MYH11: variants seen among roughly 807,000 people sequenced by gnomAD.
The protein encoded by MYH11 is myosin heavy chain 11, also known as myosin-11.
Under a neutral mutation model 246.6 loss-of-function variants are expected in MYH11, and 80 were observed. The ratio of observed to expected loss-of-function variants is 0.32; its 90% confidence interval spans 0.27 to 0.39. The LOEUF (loss-of-function observed/expected upper bound fraction) is 0.39. Ranked by LOEUF, MYH11 falls within the 10% of genes least tolerant of loss-of-function variation. The pLI, the probability that MYH11 is intolerant of heterozygous loss-of-function variation, is 1.00. For synonymous variants in MYH11, 1,071 were observed against 1,015.5 expected, an observed-to-expected ratio of 1.05 and a Z score of -1.04; for missense variants, 2,158 against 2,546.8, an observed-to-expected ratio of 0.85 and a Z score of 3.29.
chr16:15,811,992 T>C (rs1305906519), intron 3 of MYH11, among the ~76,000 whole-genome samples: 2 of 152,204 alleles, frequency 1.3e-5, no homozygotes, highest in African/African-American at 4.8e-5. Context: ...GGTTCTTGTC[T>C]GGAGGGCTTT....
intron 3 of MYH11, among the ~76,000 whole-genome samples, chr16:15,806,930 G>A (rs1386064844): frequency 6.6e-6 from 1 of 151,776 alleles, no homozygotes; most frequent in Admixed American, 6.6e-5. Context: ...GCCAGGTACC[G>A]AAAGCACAAA....
chr16:15,711,528 T>TACA (rs1253632740), intron 40 of MYH11, among the ~76,000 whole-genome samples: 1 of 152,204 alleles, frequency 6.6e-6, no homozygotes, highest in Non-Finnish European at 1.5e-5. Context: ...GGTATGTTTA[T>TACA]TTGCCGTTAT....
chr16:15,727,183 G>C (rs907590395), intron 27 of MYH11, 129 bp from the exon 28 acceptor site: 1 of 784,570 alleles, frequency 1.3e-6, no homozygotes, highest in Admixed American at 2.3e-5. Context: ...TCACCAGTAA[G>C]AGATTTGGGG....
chr16:15,724,057 A>G, intron 31 of MYH11, 104 bp downstream of exon 31: 1 of 1,556,860 alleles, frequency 6.4e-7, no homozygotes, highest in Non-Finnish European at 8.8e-7. Flanking sequence ...CACAGAGTGG[A>G]GAGGGGATGC....
chr16:15,826,424 A>G (rs924753950), intron 2 of MYH11, among the ~76,000 whole-genome samples: 4 of 151,792 alleles, frequency 2.6e-5, no homozygotes, highest in African/African-American at 7.3e-5. Context: ...CCCCATCTCT[A>G]TAAGAAATTT....
At chr16:15,774,645 A>C (rs1199484587) in intron 8 of MYH11, among the ~76,000 whole-genome samples, 1 of 152,186 alleles carries the variant, frequency 6.6e-6, no homozygotes, top group East Asian at 1.9e-4. Context: ...GCTGGAGTGC[A>C]GTGGTGCAAT....
chr16:15,718,485 T>TA (rs1038440036), intron 36 of MYH11, 47 bp from the exon 37 acceptor site: 11 of 1,536,538 alleles, frequency 7.2e-6, no homozygotes, highest in African/African-American at 2.7e-5. Flanking sequence ...TCCCCCGCCT[T>TA]AAAAGATGCC....
chr16:15,799,528 G>C (rs1380985442), intron 3 of MYH11, among the ~76,000 whole-genome samples: 2 of 152,072 alleles, frequency 1.3e-5, no homozygotes, highest in Non-Finnish European at 2.9e-5. Context: ...TACCACCAGA[G>C]AAACCCAAAA....
At chr16:15,764,011 TA>T in intron 9 of MYH11, 120 bp from the exon 10 acceptor site, 2 of 783,348 alleles carry the variant, frequency 2.6e-6, no homozygotes, top group Admixed American at 3.9e-5. Context: ...CTGAAGAAAC[TA>T]GATTCTGAGC....
chr16:15,800,233 T>C (rs1402267582), intron 3 of MYH11, among the ~76,000 whole-genome samples: 2 of 150,958 alleles, frequency 1.3e-5, no homozygotes, highest in Non-Finnish European at 3.0e-5. Context: ...GATGGGTGGA[T>C]GGAAGAATGG....
intron 10 of MYH11, 58 bp downstream of exon 10, chr16:15,763,738 A>AGCTGGGGGCCC: frequency 1.4e-6 from 1 of 717,694 alleles, no homozygotes; most frequent in African/African-American, 1.8e-5. Flanking sequence ...GTTAAATGTC[A>AGCTGGGGGCCC]CCTCCCCCAC....
chr16:15,785,010 T>A, intron 5 of MYH11: 5 of 210,838 alleles, frequency 2.4e-5, no homozygotes, highest in East Asian at 9.0e-5. Context: ...TTCTCTTGAT[T>A]TTTTTTTTTT....
At chr16:15,803,823 A>AG (rs1427127775) in intron 3 of MYH11, among the ~76,000 whole-genome samples, 2 of 152,180 alleles carry the variant, frequency 1.3e-5, no homozygotes, top group Non-Finnish European at 2.9e-5. Flanking sequence ...CTCCAGGAGA[A>AG]GGCCTGGGAG....
chr16:15,753,618 G>C, intron 14 of MYH11, 110 bp from the exon 15 acceptor site: 1 of 849,386 alleles, frequency 1.2e-6, no homozygotes, highest in East Asian at 2.5e-5. Context: ...AGGTCAGAGA[G>C]GAAATGACGT....
At chr16:15,740,329 T>G (rs544547301) in intron 22 of MYH11, 141 bp from the exon 23 acceptor site, 2 of 1,325,152 alleles carry the variant, frequency 1.5e-6, no homozygotes, top group Admixed American at 3.9e-5. Flanking sequence ...AATAAAGGCC[T>G]GAGCGTGGTG....
At chr16:15,766,349 GT>G (rs2041981021) in intron 9 of MYH11, among the ~76,000 whole-genome samples, 2 of 71,044 alleles carry the variant, frequency 2.8e-5, no homozygotes, top group African/African-American at 4.5e-5. Context: ...TTTTTGGTGT[GT>G]GTGTGTGTGT....
chr16:15,759,434 C>G, intron 12 of MYH11, 142 bp downstream of exon 12: 1 of 1,095,872 alleles, frequency 9.1e-7, no homozygotes, highest in Non-Finnish European at 1.4e-6. Context: ...CTCTTATACC[C>G]TCAATGATCC....
Position 15,741,501 on chromosome 16 carries a change from G to T in MYH11, c.2821C>A (p.Leu941Ile). ...LEEEEDRGQQ[L>I]QAERKKMAQQ... ...GCCATCTTCTTCCTTTCAGCCTGTA[G>T]CTGCTGGCCCCTGTCTTCCTCCTCC... The change falls in exon 22 of 41, where the codon CTA becomes ATA. Residue 941 changes from leucine to isoleucine, a missense_variant. This residue lies in a region of MYH11 where 284 missense variants were observed against 315.4 expected (regional missense o/e 0.90). Coordinates refer to ENST00000300036, the MANE Select transcript of MYH11 (RefSeq NM_002474.3). The T allele has an allele frequency of 6.2e-7, 1 of 1,609,182 alleles. No individual in the cohort carries two copies.
Position 15,703,816 on chromosome 16 carries a change from T to TA in MYH11, c.*174_*175insT. On this transcript the variant is annotated 3_prime_UTR_variant, in exon 41 of 41. Coordinates refer to ENST00000300036, the MANE Select transcript of MYH11 (RefSeq NM_002474.3). ...TTGCCCAGGCTGGAGGGTGGTGGTT[T>TA]TTATATTCCTTGTGTGAGGGGTGTC... is the stretch of plus-strand genomic sequence containing the variant. The TA allele has an allele frequency of 1.1e-6, 1 of 876,270 alleles. No individual in the cohort carries two copies. Among genetic ancestry groups the TA allele is most frequent in the Non-Finnish European group, 1.8e-6 (1 of 545,442 alleles). 54.3% of individuals were successfully genotyped at this position (876,270 alleles called of 1,614,324 possible). A position where few individuals can be genotyped will look rare whatever the true frequency, so the allele number is the denominator to read the frequency against.
Sources: gnomAD v4.1 joint callset for allele counts (sites outside exome capture counted in the v4.1 genomes callset) on GRCh38, gnomAD v4.1.1 for gene constraint, gnomAD v4.1.1 regional missense constraint, MANE v1.5 for transcripts, NCBI Gene and HGNC (gene_info 2026-07-23, HGNC 2026-07-21) for gene names.